KMT2E: variants seen among roughly 807,000 people sequenced by gnomAD.
KMT2E encodes the protein lysine methyltransferase 2E (inactive).
A neutral mutation model predicts 184.6 loss-of-function variants in KMT2E; 30 were observed. The ratio of observed to expected loss-of-function variants is 0.16; its 90% CI spans 0.12 to 0.22. KMT2E has a LOEUF of 0.22. Among genes scored for constraint, KMT2E ranks in the 10% least tolerant of loss-of-function variants. KMT2E has a pLI of 1.00. For synonymous variants in KMT2E, 815 were observed against 776.5 expected (o/e 1.05, Z -0.82); for missense variants, 2,023 against 2,237.4 (o/e 0.90, Z 1.93).
intron 1 of KMT2E, among the ~76,000 whole-genome samples, chr7:105,033,881 G>A (rs1233671552): frequency 6.6e-6 from 1 of 152,148 alleles, no homozygotes; most frequent in African/African-American, 2.4e-5. Context: ...AAATCAAAAG[G>A]GAAATGGGCA....
intron 3 of KMT2E, among the ~76,000 whole-genome samples, chr7:105,057,067 C>G (rs1796594163): frequency 6.6e-6 from 1 of 152,080 alleles, no homozygotes; most frequent in Admixed American, 6.5e-5. Flanking sequence ...CTTCATGAAT[C>G]CTAAAATTAT....
chr7:105,106,446 T>C, intron 19 of KMT2E, 76 bp from the exon 20 acceptor site: 1 of 1,334,976 alleles, frequency 7.5e-7, no homozygotes, highest in Non-Finnish European at 1.1e-6. Flanking sequence ...ATTTTATCTT[T>C]CCCAGAATGT....
rs749599203 is a variant in KMT2E at position 105,078,897 on chromosome 7, T to C, written c.1182T>C (p.Cys394=). ...CTAAATTTCATGGGCTAGAAATGTG[T>C]GTTGATGCAAGGACTTTTGGGAATG... ...FYSKFHGLEM[C]VDARTFGNEA... The change falls in exon 12 of 27, where the codon TGT becomes TGC. Residue 394 remains cysteine, a synonymous_variant. Coordinates refer to ENST00000311117, the MANE Select transcript of KMT2E (RefSeq NM_182931.3). 6.2e-7 allele frequency: 1 copy of C among 1,611,072 alleles called. No individual in the cohort carries two copies. Among genetic ancestry groups the C allele is most frequent in the Non-Finnish European group, 8.5e-7 (1 of 1,177,506 alleles).
intron 13 of KMT2E, 141 bp from the exon 14 acceptor site, chr7:105,089,868 G>T: frequency 1.6e-6 from 2 of 1,213,232 alleles, no homozygotes; most frequent in Non-Finnish European, 2.2e-6. Flanking sequence ...AGTTAACTAG[G>T]AATGTAAATT....
intron 15 of KMT2E, among the ~76,000 whole-genome samples, chr7:105,095,129 C>T (rs939403217): frequency 4.6e-5 from 7 of 152,174 alleles, no homozygotes; most frequent in African/African-American, 1.7e-4. Context: ...GAAGATAAGG[C>T]AGTATCTCTG....
chr7:105,017,656 C>A (rs1299065607), intron 1 of KMT2E, among the ~76,000 whole-genome samples: 1 of 151,850 alleles, frequency 6.6e-6, no homozygotes, highest in Non-Finnish European at 1.5e-5. Flanking sequence ...AATTTGGTTC[C>A]TTGGGGGAAA....
In KMT2E at chr7:105,071,728, A is replaced by AT. The variant is rs200953856; in HGVS notation, c.498-1889dup. On this transcript the variant is annotated intron_variant, in intron 6 of 26. Transcript: ENST00000311117. The stretch of plus-strand genomic sequence containing the variant: ...TGCCTCGGCCTCCCAGAGTGCTGAG[A>AT]TTACAGGCGTGGGCCACCACGCCCG... Among the ~76,000 whole-genome samples the AT allele has an allele frequency of 3.7e-3, 532 of 144,880 alleles. 14 individuals carry two copies. In the East Asian group the frequency reaches 0.067, roughly 18 times the overall value.
intron 1 of KMT2E, among the ~76,000 whole-genome samples, chr7:105,015,893 C>T (rs1286867506): frequency 6.6e-6 from 1 of 150,636 alleles, no homozygotes. Flanking sequence ...TCCTGAAAGG[C>T]AAATAAAATG....
intron 1 of KMT2E, among the ~76,000 whole-genome samples, chr7:105,022,245 A>G (rs1794985450): frequency 1.3e-5 from 2 of 152,074 alleles, no homozygotes; most frequent in Non-Finnish European, 2.9e-5. Context: ...CATTTTTTTC[A>G]GTACCATTAG....
intron 13 of KMT2E, among the ~76,000 whole-genome samples, chr7:105,087,378 T>C (rs1054299712): frequency 8.1e-5 from 12 of 148,160 alleles, no homozygotes; most frequent in African/African-American, 2.9e-4. Flanking sequence ...AATATTTTTA[T>C]TTACCATTTT....
chr7:105,111,178 C>T (rs2129570120), intron 26 of KMT2E: 1 of 259,244 alleles, frequency 3.9e-6, no homozygotes, highest in Non-Finnish European at 7.2e-6. Context: ...AATTCTTAAC[C>T]ATCCAATTAT....
At chr7:105,094,243 T>G (rs1278386956) in intron 15 of KMT2E, among the ~76,000 whole-genome samples, 1 of 152,154 alleles carries the variant, frequency 6.6e-6, no homozygotes, top group Admixed American at 6.5e-5. Context: ...TTAACATCAG[T>G]AGTCAGAAAG....
intron 1 of KMT2E, among the ~76,000 whole-genome samples, chr7:105,032,277 C>T (rs995275829): frequency 2.0e-5 from 3 of 151,628 alleles, no homozygotes; most frequent in Non-Finnish European, 4.4e-5. Context: ...AATGCTGTCT[C>T]TACTAAAAAT....
chr7:105,016,671 A>G (rs190242359), intron 1 of KMT2E, among the ~76,000 whole-genome samples: 1 of 152,346 alleles, frequency 6.6e-6, no homozygotes, highest in East Asian at 1.9e-4. Flanking sequence ...TGAGTGGGCC[A>G]TTAATGACAT....
chr7:105,057,731 C>T (rs142720437), intron 3 of KMT2E, among the ~76,000 whole-genome samples: 76 of 152,212 alleles, frequency 5.0e-4, no homozygotes, highest in African/African-American at 1.8e-3. Context: ...TGATCGTAAG[C>T]GTGAGCCACT....
At chr7:105,042,243 G>C (rs545597512) in intron 3 of KMT2E, among the ~76,000 whole-genome samples, 5 of 152,048 alleles carry the variant, frequency 3.3e-5, no homozygotes, top group African/African-American at 9.7e-5. Flanking sequence ...TGCCCACCTT[G>C]GCCCCCCAAA....
chr7:105,032,652 C>T (rs1275704254), intron 1 of KMT2E, among the ~76,000 whole-genome samples: 2 of 152,158 alleles, frequency 1.3e-5, no homozygotes, highest in African/African-American at 4.8e-5. Context: ...CAGGCACATA[C>T]CACTACCCCT....
intron 1 of KMT2E, among the ~76,000 whole-genome samples, chr7:105,037,430 G>A (rs1029407560): frequency 5.9e-5 from 9 of 151,700 alleles, no homozygotes; most frequent in Admixed American, 3.9e-4. Flanking sequence ...TTGTGCAATC[G>A]TGGCTCACTG....
intron 6 of KMT2E, among the ~76,000 whole-genome samples, chr7:105,067,087 A>G (rs924236057): frequency 6.7e-6 from 1 of 150,150 alleles, no homozygotes; most frequent in African/African-American, 2.4e-5. Flanking sequence ...AAAAAAAAGA[A>G]AAAGAAAAAA....
Sources: allele counts gnomAD v4.1 joint callset (sites outside exome capture counted in the v4.1 genomes callset), GRCh38; gene constraint gnomAD v4.1.1; transcripts MANE v1.5; gene names NCBI Gene and HGNC (gene_info 2026-07-23, HGNC 2026-07-21).